The following CDH8 variants were observed in gnomAD, a reference collection of about 807,000 sequenced individuals.
CDH8 encodes the protein cadherin-8.
Under a neutral mutation model 68.1 loss-of-function variants are expected in CDH8, and 17 were observed. The observed-to-expected ratio is 0.25, with a 90% confidence interval of 0.17 to 0.37. The LOEUF is 0.37. Ranked by LOEUF, CDH8 falls within the 10% of genes least tolerant of loss-of-function variation. CDH8 has a pLI of 1.00. For missense variants in CDH8, 763 were observed against 999.3 expected (o/e 0.76, Z 3.19); for synonymous variants, 372 against 365.1 (o/e 1.02, Z -0.21).
intron 7 of CDH8, among the ~76,000 whole-genome samples, chr16:61,793,081 T>C (rs1386367688): frequency 6.6e-6 from 1 of 151,752 alleles, no homozygotes; most frequent in Non-Finnish European, 1.5e-5. Flanking sequence ...TTAGTTCCCT[T>C]ATAAAAAAGA....
chr16:61,932,261 T>C (rs1008152818), intron 2 of CDH8, among the ~76,000 whole-genome samples: 4 of 149,604 alleles, frequency 2.7e-5, no homozygotes, highest in African/African-American at 9.8e-5. Context: ...TCCATGACCA[T>C]AACATATTAT....
intron 2 of CDH8, among the ~76,000 whole-genome samples, chr16:61,952,945 A>G (rs887907000): frequency 1.3e-5 from 2 of 152,122 alleles, no homozygotes; most frequent in African/African-American, 4.8e-5. Flanking sequence ...CTGTGTTTTT[A>G]TGTCTCCCTA....
intron 2 of CDH8, among the ~76,000 whole-genome samples, chr16:61,996,882 G>C (rs1229531991): frequency 6.6e-6 from 1 of 152,056 alleles, no homozygotes; most frequent in Non-Finnish European, 1.5e-5. Flanking sequence ...ACCATGCCTG[G>C]CCCAGGTCTA....
chr16:61,944,303 A>G (rs1323730201), intron 2 of CDH8, among the ~76,000 whole-genome samples: 2 of 152,226 alleles, frequency 1.3e-5, no homozygotes, highest in African/African-American at 2.4e-5. Flanking sequence ...AGCCAAATTA[A>G]AGAGTCTGGA....
At chr16:61,715,476 T>C (rs1372917884) in intron 9 of CDH8, among the ~76,000 whole-genome samples, 1 of 151,668 alleles carries the variant, frequency 6.6e-6, no homozygotes, top group Non-Finnish European at 1.5e-5. Context: ...GTTTTGATTA[T>C]GGATTTAAAT....
intron 10 of CDH8, 32 bp downstream of exon 10, chr16:61,713,809 T>G: frequency 2.7e-6 from 3 of 1,114,276 alleles, no homozygotes; most frequent in Non-Finnish European, 4.1e-6. Context: ...CAATTTATAT[T>G]GTACTCTGTT....
intron 8 of CDH8, among the ~76,000 whole-genome samples, chr16:61,749,815 C>G (rs1960112866): frequency 6.6e-6 from 1 of 152,024 alleles, no homozygotes; most frequent in South Asian, 2.1e-4. Flanking sequence ...TTCTCCTTAG[C>G]CATGATTCCA....
intron 2 of CDH8, chr16:61,940,199 C>A (rs193047631): frequency 6.6e-6 from 1 of 152,158 alleles, no homozygotes; most frequent in East Asian, 1.9e-4. Context: ...CCTTTGACAT[C>A]TTTCTTACGT....
chr16:61,731,248 T>C (rs555145634), intron 8 of CDH8, among the ~76,000 whole-genome samples: 17 of 151,770 alleles, frequency 1.1e-4, no homozygotes, highest in African/African-American at 3.9e-4. Context: ...GTAGATTCAC[T>C]GGAGAGAGAG....
intron 7 of CDH8, among the ~76,000 whole-genome samples, chr16:61,790,528 G>A (rs1003794296): frequency 3.9e-5 from 6 of 151,968 alleles, no homozygotes; most frequent in Admixed American, 3.9e-4. Flanking sequence ...TGATTGAGGT[G>A]ATGGCTTAGG....
chr16:61,854,529 C>G (rs1208404295), intron 4 of CDH8, among the ~76,000 whole-genome samples: 1 of 152,034 alleles, frequency 6.6e-6, no homozygotes, highest in Admixed American at 6.6e-5. Flanking sequence ...CGGCTACATA[C>G]CCCTTTTATT....
intron 2 of CDH8, among the ~76,000 whole-genome samples, chr16:62,001,382 C>T (rs942373197): frequency 1.1e-4 from 16 of 152,134 alleles, no homozygotes; most frequent in Admixed American, 3.3e-4. Flanking sequence ...CCCTAAAATT[C>T]AGCTAATCCA....
At chr16:61,954,969 G>A (rs1964961882) in intron 2 of CDH8, among the ~76,000 whole-genome samples, 1 of 152,134 alleles carries the variant, frequency 6.6e-6, no homozygotes, top group South Asian at 2.1e-4. Flanking sequence ...TTGTATTTCA[G>A]CAGTAACCTT....
At chr16:61,708,041 A>T (rs919055271) in intron 10 of CDH8, among the ~76,000 whole-genome samples, 4 of 152,174 alleles carry the variant, frequency 2.6e-5, no homozygotes, top group African/African-American at 9.6e-5. Context: ...TTGGGGCAAC[A>T]GTCTCAGAAA....
At chr16:61,760,812 T>C (rs1193057070) in intron 8 of CDH8, among the ~76,000 whole-genome samples, 1 of 152,078 alleles carries the variant, frequency 6.6e-6, no homozygotes, top group Non-Finnish European at 1.5e-5. Flanking sequence ...TATATTAACA[T>C]TAAACAAATA....
chr16:61,974,239 G>C (rs1965397920), intron 2 of CDH8, among the ~76,000 whole-genome samples: 1 of 152,196 alleles, frequency 6.6e-6, no homozygotes, highest in African/African-American at 2.4e-5. Flanking sequence ...AAAGGCATAT[G>C]ATGAGTTTCA....
chr16:61,944,640 A>G (rs1468298696), intron 2 of CDH8, among the ~76,000 whole-genome samples: 1 of 152,202 alleles, frequency 6.6e-6, no homozygotes, highest in Non-Finnish European at 1.5e-5. Flanking sequence ...ATATCAACAA[A>G]TGCACAATAA....
intron 8 of CDH8, among the ~76,000 whole-genome samples, chr16:61,772,482 A>C (rs1043432533): frequency 2.6e-5 from 4 of 152,078 alleles, no homozygotes; most frequent in African/African-American, 2.4e-5. Context: ...TAACACATGC[A>C]GTTATTGTGA....
chr16:61,967,822 G>C (rs113765084), intron 2 of CDH8, among the ~76,000 whole-genome samples: 2 of 151,868 alleles, frequency 1.3e-5, no homozygotes, highest in Non-Finnish European at 2.9e-5. Flanking sequence ...TATTTATTTC[G>C]TTTGAGACGG....
Sources: gnomAD v4.1 joint callset for allele counts (sites outside exome capture counted in the v4.1 genomes callset) on GRCh38, gnomAD v4.1.1 for gene constraint, MANE v1.5 for transcripts, NCBI Gene and HGNC (gene_info 2026-07-23, HGNC 2026-07-21) for gene names.